SNUPN: variants seen among roughly 807,000 people sequenced by gnomAD.
SNUPN encodes snurportin 1, also known as snurportin-1.
A neutral mutation model predicts 39.2 loss-of-function variants in SNUPN; 31 were observed. The ratio of observed to expected loss-of-function variants is 0.79; its 90% CI spans 0.59 to 1.07. The LOEUF is 1.07. Ranked by LOEUF, SNUPN falls within the 50% of genes least tolerant of loss-of-function variation. SNUPN has a pLI of 0.00. For synonymous variants in SNUPN, 132 were observed against 159.0 expected, an observed-to-expected ratio of 0.83 and a Z score of 1.28; for missense variants, 382 against 434.2, an observed-to-expected ratio of 0.88 and a Z score of 1.07.
intron 3 of SNUPN, among the ~76,000 whole-genome samples, chr15:75,613,378 C>T (rs974084206): frequency 4.0e-5 from 6 of 151,694 alleles, no homozygotes; most frequent in South Asian, 2.1e-4. Flanking sequence ...GGTGCAGTGG[C>T]TCACACCTGT....
At chr15:75,616,275 G>A (rs1892931911) in intron 3 of SNUPN, among the ~76,000 whole-genome samples, 1 of 151,626 alleles carries the variant, frequency 6.6e-6, no homozygotes, top group Non-Finnish European at 1.5e-5. Context: ...TGTCCACCAT[G>A]GTGAAACCCT....
intron 7 of SNUPN, among the ~76,000 whole-genome samples, chr15:75,603,675 A>AG (rs2075309021): frequency 6.6e-6 from 1 of 151,574 alleles, no homozygotes; most frequent in South Asian, 2.1e-4. Context: ...AAAAAAAAAA[A>AG]AAAAAAGCTC....
At chr15:75,608,700 T>C (rs892012425) in intron 5 of SNUPN, among the ~76,000 whole-genome samples, 3 of 152,124 alleles carry the variant, frequency 2.0e-5, no homozygotes, top group Admixed American at 2.0e-4. Context: ...GTAATAGAAG[T>C]CCAAAGATAT....
At chr15:75,624,709 C>A in intron 1 of SNUPN, 1 of 1,262,124 alleles carries the variant, frequency 7.9e-7, no homozygotes, top group Admixed American at 2.8e-5. Context: ...GGGGCGGTTC[C>A]TTTACCTTCC....
intron 7 of SNUPN, among the ~76,000 whole-genome samples, chr15:75,603,141 T>C (rs1020634364): frequency 2.6e-5 from 4 of 151,016 alleles, no homozygotes; most frequent in Non-Finnish European, 4.4e-5. Flanking sequence ...CTCGGCCTCC[T>C]GGGTTCACAG....
At chr15:75,611,907 T>C (rs1403267070) in intron 3 of SNUPN, among the ~76,000 whole-genome samples, 1 of 152,144 alleles carries the variant, frequency 6.6e-6, no homozygotes, top group African/African-American at 2.4e-5. Context: ...CACTTTCTCC[T>C]AGTTTAAAAA....
intron 3 of SNUPN, among the ~76,000 whole-genome samples, chr15:75,616,905 C>T (rs1459481055): frequency 2.0e-5 from 3 of 152,264 alleles, no homozygotes; most frequent in Middle Eastern, 3.4e-3. Flanking sequence ...GGCAGGCTCA[C>T]TTTATTCAAG....
intron 3 of SNUPN, among the ~76,000 whole-genome samples, chr15:75,611,476 T>C (rs1425897673): frequency 6.6e-6 from 1 of 151,298 alleles, no homozygotes; most frequent in Admixed American, 6.6e-5. Context: ...ATGGTCTCGA[T>C]CTCCTGACCT....
intron 3 of SNUPN, among the ~76,000 whole-genome samples, chr15:75,615,594 A>ATTT (rs141302808): frequency 0.019 from 1,432 of 74,040 alleles, 52 homozygotes; most frequent in African/African-American, 0.029. Context: ...AAGGAATCTC[A>ATTT]TTTTTTTTTT....
At position 75,610,014 on chromosome 15, in the gene SNUPN, T is replaced by C. The variant is rs763315950; in HGVS notation, c.304-20A>G. ...CATCAACTGGAAATGCAAAAAATAG[T>C]GTTAAAGATCAGCAGGGGTGTGCTA... On this transcript the variant is annotated intron_variant, in intron 3 of 8. Transcript: ENST00000308588. 14 of 1,581,198 alleles carry C rather than the reference T, an allele frequency of 8.9e-6. No individual in the cohort carries two copies. The East Asian group carries it at 3.1e-4, about 35-fold the overall frequency.
intron 1 of SNUPN, chr15:75,622,605 T>C: frequency 8.8e-6 from 5 of 571,262 alleles, no homozygotes; most frequent in Non-Finnish European, 1.1e-5. Flanking sequence ...ACTGCTGGGC[T>C]GGCCCAGCCC....
intron 3 of SNUPN, among the ~76,000 whole-genome samples, chr15:75,610,464 C>T (rs144134562): frequency 1.3e-5 from 2 of 151,768 alleles, no homozygotes; most frequent in Non-Finnish European, 2.9e-5. Flanking sequence ...ACCCCATGTG[C>T]TCTAGGGAGT....
Position 75,601,305 on chromosome 15 carries a change from T to G in SNUPN, c.679-87A>C, listed in dbSNP as rs2075284691. 3 of 931,338 alleles carry G rather than the reference T, an allele frequency of 3.2e-6. No individual in the cohort carries two copies. In the South Asian group the frequency reaches 4.0e-5, roughly 12 times the overall value. 57.7% of individuals were successfully genotyped at this position (931,338 alleles called of 1,614,324 possible). A position where few individuals can be genotyped will look rare whatever the true frequency, so the allele number is the denominator to read the frequency against. On this transcript the variant is annotated intron_variant, in intron 7 of 8. Transcript: ENST00000308588. ...AAAATCTCTGTCAGGCCAGGCATAG[T>G]GGCTCACACCTGTAATCCCAGCACT... is the stretch of plus-strand genomic sequence containing the variant.
intron 3 of SNUPN, among the ~76,000 whole-genome samples, chr15:75,612,642 T>C (rs1473814085): frequency 6.6e-6 from 1 of 152,044 alleles, no homozygotes; most frequent in Non-Finnish European, 1.5e-5. Flanking sequence ...TATTGCGAGA[T>C]GTCTGCTTGG....
intron 5 of SNUPN, 138 bp downstream of exon 5, chr15:75,609,420 A>C (rs1280522469): frequency 3.0e-6 from 2 of 658,864 alleles, no homozygotes; most frequent in Non-Finnish European, 5.5e-6. Flanking sequence ...CGATCTCCTG[A>C]CCTCATGATC....
chr15:75,620,688 C>T (rs1893045856), intron 2 of SNUPN, among the ~76,000 whole-genome samples: 1 of 152,150 alleles, frequency 6.6e-6, no homozygotes. Context: ...TTCGGTGTCT[C>T]CCTAATTCCT....
In SNUPN at chr15:75,617,495, C is replaced by T. The variant is rs140870030; in HGVS notation, c.216G>A (p.Gly72=). The change falls in exon 3 of 9, where the codon GGG becomes GGA. Residue 72 remains glycine (G), a synonymous_variant. Transcript: ENST00000308588. ...ARRLAEDDWT[G]MESEEENKKD... is the part of the protein sequence containing the mutation. ...TCTTATTTTCTTCCTCACTCTCCAT[C>T]CCTGTCCAGTCATCTTCAGCCAGTC... 3.7e-6 allele frequency: 6 copies of T among 1,614,058 alleles called. No individual in the cohort carries two copies. In the African/African-American group the frequency reaches 6.7e-5, roughly 18 times the overall value.
chr15:75,605,265 T>C, intron 6 of SNUPN, 38 bp from the exon 7 acceptor site: 1 of 1,451,268 alleles, frequency 6.9e-7, no homozygotes, highest in Non-Finnish European at 9.6e-7. Context: ...TGAAATACTT[T>C]CCATTTCAAA....
At position 75,609,585 on chromosome 15, in the gene SNUPN, C is replaced by T. The variant is rs1004554256; in HGVS notation, c.475G>A (p.Gly159Ser). Residue 159 changes from glycine to serine, a missense_variant, in exon 5 of 9, where the codon GGC (glycine) becomes AGC (serine). By Grantham distance (56) the Gly-to-Ser change is moderately conservative. Transcript: ENST00000308588. ...VNRFSSLLPG[G>S]NRRNSTAKDY... ...TTTGCTGTTGAGTTTCGCCTGTTGC[C>T]TCCTGGCAGAAGTGAAGAAAACCTG... The T allele has an allele frequency of 1.9e-6, 3 of 1,614,050 alleles. No individual in the cohort carries two copies. The highest frequency in any genetic ancestry group is 1.3e-5 in the African/African-American group (1 of 75,046).
Sources: gnomAD v4.1 joint callset for allele counts (sites outside exome capture counted in the v4.1 genomes callset) on GRCh38, gnomAD v4.1.1 for gene constraint, MANE v1.5 for transcripts, NCBI Gene and HGNC (gene_info 2026-07-23, HGNC 2026-07-21) for gene names.